CBR4: variants seen among roughly 807,000 people sequenced by gnomAD.
CBR4 encodes 3-oxoacyl-[acyl-carrier-protein] reductase.
A neutral mutation model predicts 21.0 loss-of-function variants in CBR4; 22 were observed. That is an observed-to-expected ratio of 1.05 (90% CI 0.75 to 1.50). The LOEUF is 1.50. Ranked by LOEUF, CBR4 falls within the 40% of genes most tolerant of loss-of-function variation. CBR4 has a pLI of 0.00. For synonymous variants in CBR4, 100 were observed against 104.4 expected, an observed-to-expected ratio of 0.96 and a Z score of 0.26; for missense variants, 302 against 286.3, an observed-to-expected ratio of 1.05 and a Z score of -0.40.
intron 2 of CBR4, among the ~76,000 whole-genome samples, chr4:168,954,204 A>C (rs180825811): frequency 8.5e-4 from 130 of 152,324 alleles, no homozygotes; most frequent in African/African-American, 2.8e-3. Flanking sequence ...AATAAAATAC[A>C]TTTTATTTAA....
chr4:168,965,282 C>T (rs1228506802), intron 2 of CBR4, among the ~76,000 whole-genome samples: 1 of 152,104 alleles, frequency 6.6e-6, no homozygotes, highest in Non-Finnish European at 1.5e-5. Flanking sequence ...TAAAAACATT[C>T]CATTCTCATG....
At chr4:168,920,227 C>T (rs1372391747) in intron 2 of CBR4, among the ~76,000 whole-genome samples, 1 of 152,188 alleles carries the variant, frequency 6.6e-6, no homozygotes, top group African/African-American at 2.4e-5. Context: ...GAACACAGAG[C>T]CTGAGTGTCT....
intron 4 of CBR4, among the ~76,000 whole-genome samples, chr4:168,993,212 C>CT (rs150721961): frequency 0.25 from 34,726 of 139,336 alleles, 5,445 homozygotes; most frequent in African/African-American, 0.44. Flanking sequence ...ATGTATTTTC[C>CT]TTTTTTTTTT....
At chr4:168,927,796 G>A (rs1560945393) in intron 2 of CBR4, 2 of 216,674 alleles carry the variant, frequency 9.2e-6, no homozygotes, top group African/African-American at 2.3e-5. Flanking sequence ...AGTCGGAACC[G>A]ATAAATTTTA....
chr4:168,995,387 G>A (rs752918007), intron 4 of CBR4, among the ~76,000 whole-genome samples: 1 of 151,726 alleles, frequency 6.6e-6, no homozygotes, highest in Non-Finnish European at 1.5e-5. Flanking sequence ...TTTTCACCTC[G>A]GGGAAAAAAG....
At chr4:168,932,162 G>C (rs777604561) in intron 2 of CBR4, among the ~76,000 whole-genome samples, 10 of 151,796 alleles carry the variant, frequency 6.6e-5, no homozygotes, top group Non-Finnish European at 1.5e-4. Flanking sequence ...AGCTCAGTGA[G>C]GTAAAGAGAA....
chr4:168,913,507 A>G (rs1171274998), intron 2 of CBR4, among the ~76,000 whole-genome samples: 1 of 152,174 alleles, frequency 6.6e-6, no homozygotes, highest in Admixed American at 6.5e-5. Context: ...GAAATCATCT[A>G]GGTTTGATTT....
At chr4:168,956,604 A>G (rs1763693842) in intron 2 of CBR4, among the ~76,000 whole-genome samples, 2 of 148,266 alleles carry the variant, frequency 1.3e-5, no homozygotes, top group African/African-American at 5.0e-5. Flanking sequence ...TCTCAAAAAA[A>G]AAAAAAAAAA....
At chr4:168,950,499 G>A (rs1026716848) in intron 2 of CBR4, among the ~76,000 whole-genome samples, 7 of 151,938 alleles carry the variant, frequency 4.6e-5, no homozygotes, top group Non-Finnish European at 7.4e-5. Context: ...ATTATGGCTC[G>A]TTTTGTGGCC....
At chr4:168,899,176 A>AG (rs1373274049) in intron 2 of CBR4, among the ~76,000 whole-genome samples, 3 of 152,174 alleles carry the variant, frequency 2.0e-5, no homozygotes, top group Non-Finnish European at 2.9e-5. Flanking sequence ...ATATTTACAG[A>AG]GGGAGGTGGG....
In CBR4 at chr4:169,007,247, C is replaced by A. The variant is rs531670149; in HGVS notation, c.264-356G>T. 5.3e-5 allele frequency among the ~76,000 whole-genome samples: 8 copies of A among 152,296 alleles called. 1 individual carries two copies. The highest frequency in any genetic ancestry group is 6.8e-3 in the Middle Eastern group (2 of 294). ...TTAATATGTTATCTAAATATTCTCT[C>A]CTAAATTCATCTTTTAAAAAATAAT... On this transcript the variant is annotated intron_variant, in intron 2 of 4. Transcript: ENST00000306193.
downstream of CBR4, among the ~76,000 whole-genome samples, chr4:168,983,257 T>G (rs1273409059): frequency 6.6e-6 from 1 of 151,936 alleles, no homozygotes; most frequent in African/African-American, 2.4e-5. Context: ...CCATAGAAAT[T>G]TTTTTTAATC....
At chr4:168,916,365 G>A (rs1331232336) in intron 2 of CBR4, among the ~76,000 whole-genome samples, 1 of 152,046 alleles carries the variant, frequency 6.6e-6, no homozygotes, top group Non-Finnish European at 1.5e-5. Context: ...AGCTATGATC[G>A]AGCCACTGAA....
chr4:168,965,128 C>A (rs1349881044), intron 2 of CBR4, among the ~76,000 whole-genome samples: 1 of 151,918 alleles, frequency 6.6e-6, no homozygotes, highest in Non-Finnish European at 1.5e-5. Context: ...AGACAAACAG[C>A]CAAATCATGA....
chr4:168,911,455 A>G (rs1758928508), intron 2 of CBR4, among the ~76,000 whole-genome samples: 1 of 152,252 alleles, frequency 6.6e-6, no homozygotes, highest in Non-Finnish European at 1.5e-5. Context: ...AGGAAGCCAT[A>G]TCCCACATCA....
At chr4:168,965,732 C>A (rs1473329754) in intron 2 of CBR4, among the ~76,000 whole-genome samples, 2 of 152,188 alleles carry the variant, frequency 1.3e-5, no homozygotes, top group Non-Finnish European at 1.5e-5. Context: ...TTTCCTTACA[C>A]CGTATACAAA....
chr4:168,895,052 A>C (rs1408095913), intron 2 of CBR4, among the ~76,000 whole-genome samples: 1 of 152,186 alleles, frequency 6.6e-6, no homozygotes, highest in Non-Finnish European at 1.5e-5. Context: ...ACCTTGAACA[A>C]CACGGGAGTT....
chr4:168,978,652 C>A (rs922455141), intron 2 of CBR4, among the ~76,000 whole-genome samples: 1 of 152,294 alleles, frequency 6.6e-6, no homozygotes, highest in East Asian at 1.9e-4. Context: ...ACACAGAAAG[C>A]GTGTGGAGTG....
rs1397690237 is a variant in CBR4, at chr4:168,988,127, G to C, written c.*2023C>G. 4.1e-6 allele frequency: 4 copies of C among 985,188 alleles called. No individual in the cohort carries two copies. The highest frequency in any genetic ancestry group is 1.7e-5 in the African/African-American group (1 of 57,218). 61.0% of individuals were successfully genotyped at this position (985,188 alleles called of 1,614,324 possible). A position where few individuals can be genotyped will look rare whatever the true frequency, so the allele number is the denominator to read the frequency against. On this transcript the variant is annotated 3_prime_UTR_variant, in exon 5 of 5. Transcript: ENST00000306193. The stretch of plus-strand genomic sequence containing the variant: ...GAACATAAGGCAACAGTTCACAACT[G>C]ATTTCAGAAATAGAAGGTAAGTATT...
Sources: allele counts gnomAD v4.1 joint callset (sites outside exome capture counted in the v4.1 genomes callset), GRCh38; gene constraint gnomAD v4.1.1; transcripts MANE v1.5; gene names NCBI Gene and HGNC (gene_info 2026-07-23, HGNC 2026-07-21).